CACNA1S: variants seen among roughly 807,000 people sequenced by gnomAD.
CACNA1S encodes the protein calcium voltage-gated channel subunit alpha1 S, also known as voltage-dependent L-type calcium channel subunit alpha-1S.
In CACNA1S, 126 loss-of-function variants were observed where a neutral mutation model predicts 207.4. The ratio of observed to expected loss-of-function variants is 0.61; its 90% CI spans 0.53 to 0.70. The LOEUF is 0.70. CACNA1S is among the 30% of genes least tolerant of loss of function. The pLI, the probability that CACNA1S is intolerant of heterozygous loss-of-function variation, is 0.00. For missense variants in CACNA1S, 2,349 were observed against 2,422.8 expected, an observed-to-expected ratio of 0.97 and a Z score of 0.64; for synonymous variants, 960 against 932.7, an observed-to-expected ratio of 1.03 and a Z score of -0.53.
chr1:201,060,581 C>T (rs1661007711), intron 26 of CACNA1S, 77 bp downstream of exon 26: 2 of 1,510,406 alleles, frequency 1.3e-6, no homozygotes, highest in Non-Finnish European at 1.8e-6. Context: ...TCCTGGCTAT[C>T]CTGCCCTACT....
In CACNA1S at chr1:201,079,791, G is replaced by A. The variant is rs146642476; in HGVS notation, c.1394-1687C>T. Among the ~76,000 whole-genome samples the A allele has an allele frequency of 4.4e-3, 665 of 152,250 alleles. 4 individuals are homozygous for A. Among genetic ancestry groups the A allele is most frequent in the African/African-American group, 0.012 (489 of 41,554 alleles). ...GTCCATGCCCTGACCCCATTGCTGC[G>A]GATAAGTCTGGGTAGAACACCCCTT... On this transcript the variant is annotated intron_variant, in intron 10 of 43. Coordinates refer to ENST00000362061, the MANE Select transcript of CACNA1S (RefSeq NM_000069.3).
intron 28 of CACNA1S, among the ~76,000 whole-genome samples, chr1:201,056,567 C>A (rs3767504): frequency 0.43 from 65,349 of 152,120 alleles, 15,014 homozygotes; most frequent in South Asian, 0.65. Flanking sequence ...TGGGTGACAT[C>A]CCACCATGGC....
rs547563681 is a variant in CACNA1S at position 201,079,036 on chromosome 1, G to A, written c.1394-932C>T. On this transcript the variant is annotated intron_variant, in intron 10 of 43. Transcript: ENST00000362061. ...CTCGGGAGGCTGAGGCAAGAGAATCGCTTGAACCTGGGAGGCGGAGGTTGC... is the reference window on the plus strand; with the variant it reads ...CTCGGGAGGCTGAGGCAAGAGAATCACTTGAACCTGGGAGGCGGAGGTTGC... 1.9e-3 allele frequency among the ~76,000 whole-genome samples: 281 copies of A among 150,376 alleles called. 2 individuals are homozygous for A. The highest frequency in any genetic ancestry group is 0.015 in the Admixed American group (217 of 14,906).
chr1:201,040,197 T>TGCAGCCACTGCTGTGAC, intron 43 of CACNA1S, 34 bp downstream of exon 43: 1 of 1,612,626 alleles, frequency 6.2e-7, no homozygotes, highest in Non-Finnish European at 8.5e-7. Flanking sequence ...CACCACTCAA[T>TGCAGCCACTGCTGTGAC]GCAGCCACTG....
At chr1:201,042,473 A>G (rs1351978950) in intron 40 of CACNA1S, among the ~76,000 whole-genome samples, 2 of 152,186 alleles carry the variant, frequency 1.3e-5, no homozygotes, top group African/African-American at 2.4e-5. Flanking sequence ...ATCACATAAC[A>G]TATCACCCAA....
chr1:201,102,219 C>T (rs554688755), intron 2 of CACNA1S, among the ~76,000 whole-genome samples: 17 of 152,264 alleles, frequency 1.1e-4, no homozygotes, highest in Non-Finnish European at 2.4e-4. Context: ...AAGTGTGGGG[C>T]AGGCTCCAGA....
chr1:201,051,590 C>T (rs1012054133), intron 32 of CACNA1S, among the ~76,000 whole-genome samples: 4 of 152,186 alleles, frequency 2.6e-5, no homozygotes, highest in African/African-American at 9.7e-5. Context: ...GTGGATGTGT[C>T]GCTGTTGAAT....
intron 35 of CACNA1S, 70 bp from the exon 36 acceptor site, chr1:201,048,754 C>A: frequency 7.2e-7 from 1 of 1,382,544 alleles, no homozygotes; most frequent in Non-Finnish European, 1.0e-6. Context: ...CATCCTCACC[C>A]GGTCTGTGGA....
chr1:201,047,545 T>A lies in CACNA1S; in HGVS notation c.4523A>T (p.Gln1508Leu). The A allele has an allele frequency of 6.2e-7, 1 of 1,613,994 alleles. No individual in the cohort carries two copies. Among genetic ancestry groups the A allele is most frequent in the African/African-American group, 1.3e-5 (1 of 75,050 alleles). Reference protein sequence around the residue: ...WKRTSMKLLDQVIPPIGDDEV... With the variant: ...WKRTSMKLLDLVIPPIGDDEV... ...CCTACCTCCTATTGGAGGGATGACC[T>A]GGTCCAAGAGCTTCATGCTGGTTCT... Residue 1508 changes from glutamine (Q) to leucine (L), a missense_variant, in exon 37 of 44, where the codon CAG becomes CTG. Coordinates refer to ENST00000362061, the MANE Select transcript of CACNA1S (RefSeq NM_000069.3).
chr1:201,092,466 T>C (rs547401876), intron 3 of CACNA1S, among the ~76,000 whole-genome samples: 83 of 152,268 alleles, frequency 5.5e-4, no homozygotes, highest in African/African-American at 2.0e-3. Context: ...ACATAGTCAG[T>C]GGTGACCCAG....
rs139734262 is a variant in CACNA1S at position 201,042,283 on chromosome 1, C to T, written c.5049-694G>A. Among the ~76,000 whole-genome samples the T allele has an allele frequency of 5.7e-4, 87 of 152,288 alleles. No individual in the cohort carries two copies. The East Asian group carries it at 0.012, about 22-fold the overall frequency. On this transcript the variant is annotated intron_variant, in intron 40 of 43. Coordinates refer to ENST00000362061, the MANE Select transcript of CACNA1S (RefSeq NM_000069.3). ...CCGAGTAGCTGAGATTTCAGGCATG[C>T]GCCACCACACCTGACTAATTTTTTG... is the stretch of plus-strand genomic sequence containing the variant.
intron 2 of CACNA1S, among the ~76,000 whole-genome samples, chr1:201,099,604 G>A (rs934919546): frequency 6.6e-6 from 1 of 152,226 alleles, no homozygotes; most frequent in African/African-American, 2.4e-5. Context: ...GGATTTGGCT[G>A]AGGAGGAGGA....
rs1253751751 is a variant in CACNA1S at position 201,097,971 on chromosome 1, C to T, written c.259-3950G>A. 3.9e-5 allele frequency among the ~76,000 whole-genome samples: 6 copies of T among 152,176 alleles called. No homozygotes were observed. The East Asian group carries it at 1.2e-3, about 29-fold the overall frequency. On this transcript the variant is annotated intron_variant, in intron 2 of 43. Coordinates refer to ENST00000362061, the MANE Select transcript of CACNA1S (RefSeq NM_000069.3). ...ACTCACTTTTTTCTTTCTTTCAGGG[C>T]CCAACTTGAAGGTCACTTTATCACT... is the stretch of plus-strand genomic sequence containing the variant.
At chr1:201,060,861 C>G in intron 25 of CACNA1S, 45 bp from the exon 26 acceptor site, 4 of 1,611,466 alleles carry the variant, frequency 2.5e-6, no homozygotes, top group Non-Finnish European at 3.4e-6. Context: ...GAGGCCCCTC[C>G]CTCCCTCTCC....
chr1:201,069,064 A>C, intron 19 of CACNA1S, 73 bp downstream of exon 19: 1 of 1,314,876 alleles, frequency 7.6e-7, no homozygotes, highest in South Asian at 1.2e-5. Context: ...CCAGCCCCTG[A>C]GTTCAGTGTG....
At position 201,059,289 on chromosome 1, in the gene CACNA1S, T is replaced by C. The variant is rs139373152; in HGVS notation, c.3425A>G (p.Gln1142Arg). 51 of 1,612,052 alleles carry C rather than the reference T, an allele frequency of 3.2e-5. No individual in the cohort carries two copies. The South Asian group carries it at 5.4e-4, about 17-fold the overall frequency. ...TGAGATGTGGTTCATCTGCTCCGAC[T>C]GGTTGTAGTGCTGTGGAGGGGACAC... ...TICLGMQHYN[Q>R]SEQMNHISDI... The change falls in exon 27 of 44, where the codon CAG becomes CGG. Residue 1142 changes from glutamine to arginine, a missense_variant. Gln to Arg is a conservative substitution (Grantham distance 43, BLOSUM62 1). Transcript: ENST00000362061.
intron 10 of CACNA1S, among the ~76,000 whole-genome samples, chr1:201,079,805 AG>A (rs1661777699): frequency 6.6e-6 from 1 of 152,212 alleles, no homozygotes; most frequent in Non-Finnish European, 1.5e-5. Flanking sequence ...AAGTCTGGGT[AG>A]AACACCCCTT....
At chr1:201,061,093 C>T (rs1661030198) in intron 25 of CACNA1S, among the ~76,000 whole-genome samples, 174 bp downstream of exon 25, 2 of 152,230 alleles carry the variant, frequency 1.3e-5, no homozygotes, top group African/African-American at 4.8e-5. Flanking sequence ...ACTCTACCAA[C>T]TTGTATTGCT....
intron 2 of CACNA1S, among the ~76,000 whole-genome samples, chr1:201,108,728 A>G (rs986357295): frequency 6.6e-6 from 1 of 152,172 alleles, no homozygotes; most frequent in Non-Finnish European, 1.5e-5. Context: ...ATAGATTCCC[A>G]TGGAAACCAG....
Sources: allele counts gnomAD v4.1 joint callset (sites outside exome capture counted in the v4.1 genomes callset), GRCh38; gene constraint gnomAD v4.1.1; transcripts MANE v1.5; gene names NCBI Gene and HGNC (gene_info 2026-07-23, HGNC 2026-07-21).